Variants in CDC14A observed in about 807,000 individuals in gnomAD.
CDC14A encodes dual specificity protein phosphatase CDC14A.
CDC14A carries 53 observed loss-of-function variants against 74.4 expected under a neutral mutation model. The observed-to-expected ratio is 0.71, with a 90% CI of 0.57 to 0.89. CDC14A has a LOEUF of 0.89. CDC14A is among the 40% of genes least tolerant of loss of function. The pLI is 0.00. For synonymous variants in CDC14A, 247 were observed against 258.4 expected, an observed-to-expected ratio of 0.96 and a Z score of 0.43; for missense variants, 646 against 713.7, an observed-to-expected ratio of 0.91 and a Z score of 1.08.
At chr1:100,401,544 T>C (rs1659258331) in intron 4 of CDC14A, among the ~76,000 whole-genome samples, 1 of 152,256 alleles carries the variant, frequency 6.6e-6, no homozygotes, top group South Asian at 2.1e-4. Flanking sequence ...TATATAGAAC[T>C]GAAATGGGCT....
In CDC14A at chr1:100,352,566, G is replaced by C. The variant is rs1570929725; in HGVS notation, c.-389G>C. 9.5e-7 allele frequency: 1 copy of C among 1,047,420 alleles called. No homozygotes were observed. The highest frequency in any genetic ancestry group is 9.5e-5 in the East Asian group (1 of 10,554). 64.9% of individuals were successfully genotyped at this position (1,047,420 alleles called of 1,614,324 possible). On this transcript the variant is annotated 5_prime_UTR_variant, in exon 1 of 16. Coordinates refer to ENST00000336454, the MANE Select transcript of CDC14A (RefSeq NM_003672.4). ...CCCGGCTGCCGCTCGAGTAGCCACG[G>C]GCGCGATCGGGACCAGAAGTCTCCT... is the stretch of plus-strand genomic sequence containing the variant.
At chr1:100,499,490 C>T in intron 15 of CDC14A, 1 of 1,389,810 alleles carries the variant, frequency 7.2e-7, no homozygotes, top group Non-Finnish European at 9.4e-7. Flanking sequence ...TCTTTTTCTT[C>T]TTACCCCCAA....
chr1:100,470,610 A>G (rs1668297145), intron 10 of CDC14A, among the ~76,000 whole-genome samples: 1 of 152,192 alleles, frequency 6.6e-6, no homozygotes, highest in Non-Finnish European at 1.5e-5. Context: ...ATTAAAAAGT[A>G]TAAATAAGCA....
intron 8 of CDC14A, among the ~76,000 whole-genome samples, chr1:100,459,126 C>CACACACACACACACAGAG (rs1279905046): frequency 6.9e-6 from 1 of 144,576 alleles, no homozygotes; most frequent in African/African-American, 2.6e-5. Flanking sequence ...CACACACACA[C>CACACACACACACACAGAG]AGAGAGAGAG....
In CDC14A at chr1:100,423,807, G is replaced by A. The variant is rs1201338466; in HGVS notation, c.310-415G>A. On this transcript the variant is annotated intron_variant, in intron 4 of 15. Transcript: ENST00000336454. ...CTGAAAATTCAGTAGATACCCCATG[G>A]ATATTGTGCTCACTGTGAGAAGTCT... 2.3e-5 allele frequency: 4 copies of A among 175,268 alleles called. No homozygotes were observed. In the East Asian group the frequency reaches 4.0e-4, roughly 17 times the overall value. 10.9% of individuals were successfully genotyped at this position (175,268 alleles called of 1,614,324 possible). A position where few individuals can be genotyped will look rare whatever the true frequency, so the allele number is the denominator to read the frequency against.
At chr1:100,513,669 A>G (rs1649968169) in intron 15 of CDC14A, among the ~76,000 whole-genome samples, 1 of 152,176 alleles carries the variant, frequency 6.6e-6, no homozygotes, top group Non-Finnish European at 1.5e-5. Flanking sequence ...CAATATTTAT[A>G]TCTGTAATTA....
chr1:100,500,535 A>C (rs1648580567), intron 15 of CDC14A, among the ~76,000 whole-genome samples: 1 of 152,096 alleles, frequency 6.6e-6, no homozygotes, highest in Non-Finnish European at 1.5e-5. Flanking sequence ...AGGCTGGTGG[A>C]TCACCTGAGG....
intron 15 of CDC14A, among the ~76,000 whole-genome samples, chr1:100,502,389 T>C (rs1054869743): frequency 7.9e-5 from 12 of 152,246 alleles, no homozygotes; most frequent in African/African-American, 2.9e-4. Flanking sequence ...CACTGTGTTA[T>C]AGTTGCCTGC....
At chr1:100,442,811 A>G in intron 6 of CDC14A, 123 bp from the exon 7 acceptor site, 1 of 692,412 alleles carries the variant, frequency 1.4e-6, no homozygotes. Flanking sequence ...TGCATTAAAC[A>G]TCAAAGGTTT....
intron 5 of CDC14A, among the ~76,000 whole-genome samples, chr1:100,435,583 CT>C (rs1664221656): frequency 6.6e-6 from 1 of 152,052 alleles, no homozygotes; most frequent in African/African-American, 2.4e-5. Flanking sequence ...AATCCCAGCA[CT>C]TTGGGAGGCC....
chr1:100,432,700 G>A (rs998085232), intron 5 of CDC14A, among the ~76,000 whole-genome samples: 13 of 152,120 alleles, frequency 8.5e-5, no homozygotes, highest in African/African-American at 3.1e-4. Context: ...TATATTGGAT[G>A]AGCAAAATAC....
chr1:100,415,150 A>G (rs1288068387), intron 4 of CDC14A, among the ~76,000 whole-genome samples: 6 of 152,202 alleles, frequency 3.9e-5, no homozygotes, highest in Non-Finnish European at 7.3e-5. Context: ...GAAGACACAC[A>G]TGGCTAATAT....
chr1:100,502,484 C>T (rs1298686478), intron 15 of CDC14A, among the ~76,000 whole-genome samples: 1 of 152,198 alleles, frequency 6.6e-6, no homozygotes, highest in Non-Finnish European at 1.5e-5. Context: ...GTAGCAGGCT[C>T]TACCATCTAG....
intron 15 of CDC14A, among the ~76,000 whole-genome samples, chr1:100,510,074 G>C (rs528063487): frequency 6.6e-6 from 1 of 151,538 alleles, no homozygotes; most frequent in African/African-American, 2.4e-5. Context: ...CCTGTCTTTT[G>C]AAAACATCAT....
rs1377818349 is a variant in CDC14A at position 100,420,061 on chromosome 1, C to CATATATATATATATAT, written c.310-4160_310-4159insTATATATATATATATA. 5.3e-3 allele frequency among the ~76,000 whole-genome samples: 324 copies of CATATATATATATATAT among 61,688 alleles called. 1 individual carries two copies. Among genetic ancestry groups the CATATATATATATATAT allele is most frequent in the Non-Finnish European group, 9.8e-3 (240 of 24,550 alleles). 40.5% of individuals were successfully genotyped at this position (61,688 alleles called of 152,430 possible). On this transcript the variant is annotated intron_variant, in intron 4 of 15. Coordinates refer to ENST00000336454, the MANE Select transcript of CDC14A (RefSeq NM_003672.4). ...ACACACACACACACACACACACACACACATATATATATATATATATAGTGT... is the reference window on the plus strand; with the variant it reads ...ACACACACACACACACACACACACACATATATATATATATATACATATATATATATATATATAGTGT...
At chr1:100,349,960 T>G (rs1650782902), upstream of CDC14A, among the ~76,000 whole-genome samples, 2 of 122,230 alleles carry the variant, frequency 1.6e-5, no homozygotes, top group South Asian at 5.7e-4. Flanking sequence ...GTTTTGTATT[T>G]TTTTTTTTTT....
rs550378080 is a variant in CDC14A at position 100,408,252 on chromosome 1, CT to C, written c.310-15966del. Reference sequence around the variant, plus strand: ...TTCCTGCAGAGGACATGATCTTATTCTTTTCAATGACTGCATAGTATTCCAT... The same window carrying C: ...TTCCTGCAGAGGACATGATCTTATTCTTTCAATGACTGCATAGTATTCCAT... On this transcript the variant is annotated intron_variant, in intron 4 of 15. Transcript: ENST00000336454. Among the ~76,000 whole-genome samples the C allele has an allele frequency of 1.1e-3, 164 of 152,218 alleles. 1 individual carries two copies. The highest frequency in any genetic ancestry group is 2.1e-3 in the Non-Finnish European group (144 of 68,042).
At chr1:100,362,593 A>G (rs1175736815) in intron 2 of CDC14A, among the ~76,000 whole-genome samples, 4 of 152,188 alleles carry the variant, frequency 2.6e-5, no homozygotes, top group African/African-American at 9.7e-5. Flanking sequence ...AAGTTGTTCC[A>G]ATTCACATTA....
intron 15 of CDC14A, 183 bp downstream of exon 15, chr1:100,499,445 A>T: frequency 6.7e-7 from 1 of 1,485,454 alleles, no homozygotes; most frequent in Admixed American, 2.3e-5. Flanking sequence ...CTCTTCAAGT[A>T]AACGCCAAGT....
Sources: allele counts gnomAD v4.1 joint callset (sites outside exome capture counted in the v4.1 genomes callset), GRCh38; gene constraint gnomAD v4.1.1; transcripts MANE v1.5; gene names NCBI Gene and HGNC (gene_info 2026-07-23, HGNC 2026-07-21).